Variants in PLA2G2C observed in about 807,000 individuals in gnomAD.
PLA2G2C encodes putative inactive group IIC secretory phospholipase A2.
In PLA2G2C, 15 loss-of-function variants were observed where a neutral mutation model predicts 14.3. The ratio of observed to expected loss-of-function variants is 1.05; its 90% confidence interval spans 0.70 to 1.62. PLA2G2C has a LOEUF of 1.62. PLA2G2C is among the 40% of genes most tolerant of loss of function. PLA2G2C has a pLI of 0.00. For missense variants in PLA2G2C, 162 were observed against 173.2 expected (o/e 0.94, Z 0.36); for synonymous variants, 79 against 67.7 (o/e 1.17, Z -0.82).
rs557392958 is a variant in PLA2G2C, at chr1:20,164,390, G to A, written c.284-233C>T. Among the ~76,000 whole-genome samples the A allele has an allele frequency of 1.1e-4, 16 of 152,210 alleles. No individual in the cohort carries two copies. In the East Asian group the frequency reaches 1.2e-3, roughly 11 times the overall value. ...CGTGCATTTGTGTGTGTGTATGGTCGTGTGTGCATGTGCCTGTGTATGTGT... is the reference window on the plus strand; with the variant it reads ...CGTGCATTTGTGTGTGTGTATGGTCATGTGTGCATGTGCCTGTGTATGTGT... On this transcript the variant is annotated intron_variant, in intron 4 of 4. Coordinates refer to ENST00000679259, the MANE Select transcript of PLA2G2C (RefSeq NM_001367969.2).
intron 3 of PLA2G2C, among the ~76,000 whole-genome samples, chr1:20,174,714 C>A (rs1470950013): frequency 6.6e-6 from 1 of 152,148 alleles, no homozygotes; most frequent in Non-Finnish European, 1.5e-5. Flanking sequence ...TGTTTAGGCC[C>A]TTATGAGTGC....
chr1:20,185,626 A>G (rs2018358743), intron 1 of PLA2G2C, among the ~76,000 whole-genome samples: 1 of 152,192 alleles, frequency 6.6e-6, no homozygotes, highest in South Asian at 2.1e-4. Flanking sequence ...AAAGGGCTGT[A>G]CTGAGGATGG....
chr1:20,174,917 A>T, intron 3 of PLA2G2C, 90 bp downstream of exon 3: 1 of 1,291,894 alleles, frequency 7.7e-7, no homozygotes, highest in Non-Finnish European at 1.1e-6. Flanking sequence ...GTTATTTGCC[A>T]GGCAAGAATC....
intron 2 of PLA2G2C, among the ~76,000 whole-genome samples, chr1:20,175,433 C>A (rs1387043358): frequency 6.6e-6 from 1 of 152,164 alleles, no homozygotes; most frequent in Non-Finnish European, 1.5e-5. Flanking sequence ...CCCCTCAAAG[C>A]AAGAAACCAC....
chr1:20,168,931 G>A (rs555789715), intron 4 of PLA2G2C, among the ~76,000 whole-genome samples: 86 of 152,356 alleles, frequency 5.6e-4, no homozygotes, highest in African/African-American at 2.0e-3. Flanking sequence ...CTGGGCTCTG[G>A]TGACAGGCCT....
At chr1:20,181,595 A>T (rs1198622091) in intron 1 of PLA2G2C, among the ~76,000 whole-genome samples, 1 of 151,522 alleles carries the variant, frequency 6.6e-6, no homozygotes, top group Non-Finnish European at 1.5e-5. Context: ...CAAGCAGCGA[A>T]GCAGGTATCA....
Position 20,163,735 on chromosome 1 carries a change from C to A in PLA2G2C, c.*256G>T, listed in dbSNP as rs914700007. 27 of 478,702 alleles carry A rather than the reference C, an allele frequency of 5.6e-5. No individual in the cohort carries two copies. The highest frequency in any genetic ancestry group is 5.1e-4 in the African/African-American group (26 of 50,982). 29.7% of individuals were successfully genotyped at this position (478,702 alleles called of 1,614,324 possible). Reference sequence around the variant, plus strand: ...ACTTCTATATCCATGCATTTGTAGTCCTCCCCACTCCACAGAATGCCAGCT... The same window carrying A: ...ACTTCTATATCCATGCATTTGTAGTACTCCCCACTCCACAGAATGCCAGCT... On this transcript the variant is annotated 3_prime_UTR_variant, in exon 5 of 5. Transcript: ENST00000679259.
chr1:20,169,104 A>G (rs1220417890), intron 4 of PLA2G2C, among the ~76,000 whole-genome samples: 1 of 152,214 alleles, frequency 6.6e-6, no homozygotes, highest in African/African-American at 2.4e-5. Context: ...ATGGGAGGCT[A>G]GGGAGTTGGT....
chr1:20,180,197 G>A (rs1273339505), intron 1 of PLA2G2C, among the ~76,000 whole-genome samples: 1 of 151,878 alleles, frequency 6.6e-6, no homozygotes, highest in Non-Finnish European at 1.5e-5. Flanking sequence ...ATCTCCTGGA[G>A]CCTCCCAGCA....
At chr1:20,182,593 G>T (rs1178776822) in intron 1 of PLA2G2C, among the ~76,000 whole-genome samples, 2 of 152,138 alleles carry the variant, frequency 1.3e-5, no homozygotes, top group African/African-American at 4.8e-5. Context: ...GTACTTCAAG[G>T]GTTAAGTTTC....
Position 20,163,723 on chromosome 1 carries a change from T to C in PLA2G2C, c.*268A>G, listed in dbSNP as rs1446500662. ...AATGTGTCTCTTACTTCTATATCCA[T>C]GCATTTGTAGTCCTCCCCACTCCAC... On this transcript the variant is annotated 3_prime_UTR_variant, in exon 5 of 5. Transcript: ENST00000679259. 9.2e-6 allele frequency: 4 copies of C among 436,138 alleles called. No individual in the cohort carries two copies. The highest frequency in any genetic ancestry group is 1.6e-5 in the Non-Finnish European group (4 of 243,286). 27.0% of individuals were successfully genotyped at this position (436,138 alleles called of 1,614,324 possible). A position where few individuals can be genotyped will look rare whatever the true frequency, so the allele number is the denominator to read the frequency against.
chr1:20,174,867 C>A (rs927947400), intron 3 of PLA2G2C, 140 bp downstream of exon 3: 8 of 898,148 alleles, frequency 8.9e-6, no homozygotes, highest in Non-Finnish European at 1.2e-5. Context: ...TCCTCCAAAT[C>A]CCGTTCAGTT....
chr1:20,172,046 A>C (rs2018088603), intron 4 of PLA2G2C, among the ~76,000 whole-genome samples: 1 of 151,962 alleles, frequency 6.6e-6, no homozygotes, highest in Admixed American at 6.5e-5. Flanking sequence ...TACAAGCGTG[A>C]GCCACCGCGC....
In PLA2G2C at chr1:20,163,892, G is replaced by T. The variant is rs1314315604; in HGVS notation, c.*99C>A. 1.5e-6 allele frequency: 2 copies of T among 1,339,904 alleles called. No individual in the cohort carries two copies. The highest frequency in any genetic ancestry group is 2.0e-6 in the Non-Finnish European group (2 of 994,892). 83.0% of individuals were successfully genotyped at this position (1,339,904 alleles called of 1,614,324 possible). On this transcript the variant is annotated 3_prime_UTR_variant, in exon 5 of 5. Coordinates refer to ENST00000679259, the MANE Select transcript of PLA2G2C (RefSeq NM_001367969.2). ...GGGAGACATTTTGTCCTCCCTCCCAGTGGAAGAACAGGGGCCTGTTGGGGA... is the reference window on the plus strand; with the variant it reads ...GGGAGACATTTTGTCCTCCCTCCCATTGGAAGAACAGGGGCCTGTTGGGGA...
At chr1:20,171,758 CT>C (rs10710359) in intron 4 of PLA2G2C, among the ~76,000 whole-genome samples, 15,909 of 121,516 alleles carry the variant, frequency 0.13, 750 homozygotes, top group East Asian at 0.4. Context: ...GCCACTTCTT[CT>C]TTTTTTTTTT....
chr1:20,178,420 C>T (rs1334600746), intron 1 of PLA2G2C, among the ~76,000 whole-genome samples: 2 of 152,204 alleles, frequency 1.3e-5, no homozygotes, highest in Admixed American at 1.3e-4. Flanking sequence ...CCAAGGAAAA[C>T]TTCAAAATGA....
At chr1:20,174,583 A>T (rs751418289) in intron 3 of PLA2G2C, among the ~76,000 whole-genome samples, 9 of 152,246 alleles carry the variant, frequency 5.9e-5, no homozygotes, top group Non-Finnish European at 1.2e-4. Context: ...TACTATGAGG[A>T]TGAAACAGCT....
intron 4 of PLA2G2C, among the ~76,000 whole-genome samples, chr1:20,172,010 G>A (rs188691841): frequency 5.9e-5 from 9 of 151,598 alleles, no homozygotes; most frequent in Non-Finnish European, 1.2e-4. Flanking sequence ...TGATCCGCCC[G>A]CCTCGGCCTC....
intron 4 of PLA2G2C, among the ~76,000 whole-genome samples, chr1:20,170,030 T>C (rs2100714993): frequency 6.6e-6 from 1 of 152,328 alleles, no homozygotes; most frequent in Non-Finnish European, 1.5e-5. Flanking sequence ...GGGTTTGAAT[T>C]CCAACTCTTC....
Sources: gnomAD v4.1 joint callset for allele counts (sites outside exome capture counted in the v4.1 genomes callset) on GRCh38, gnomAD v4.1.1 for gene constraint, MANE v1.5 for transcripts, NCBI Gene and HGNC (gene_info 2026-07-23, HGNC 2026-07-21) for gene names.